Variants in IGSF5 observed in about 807,000 individuals in gnomAD.
IGSF5 encodes the protein immunoglobulin superfamily member 5.
A neutral mutation model predicts 39.4 loss-of-function variants in IGSF5; 41 were observed. The ratio of observed to expected loss-of-function variants is 1.04; its 90% CI spans 0.81 to 1.35. The LOEUF (loss-of-function observed/expected upper bound fraction) is 1.35. Among genes scored for constraint, IGSF5 ranks in the 40% most tolerant of loss-of-function variants. IGSF5 has a pLI of 0.00. For missense variants in IGSF5, 487 were observed against 494.6 expected (o/e 0.98, Z 0.15); for synonymous variants, 183 against 175.3 (o/e 1.04, Z -0.34).
At chr21:39,714,506 G>T in the IGSF5 span, among the ~76,000 whole-genome samples, 5 of 152,156 alleles carry the variant, frequency 3.3e-5, no homozygotes, top group African/African-American at 1.2e-4. Flanking sequence ...TCACACACTG[G>T]GTGGCTTAAA....
chr21:39,730,615 C>T, the IGSF5 span: 2 of 152,118 alleles, frequency 1.3e-5, no homozygotes, highest in Admixed American at 6.5e-5. Context: ...TTGCATAGCA[C>T]GAATTGCCAA....
chr21:39,748,912 C>T (rs1258296810), intron 2 of IGSF5, among the ~76,000 whole-genome samples: 2 of 151,932 alleles, frequency 1.3e-5, no homozygotes, highest in African/African-American at 4.8e-5. Flanking sequence ...CATTGGATGA[C>T]AAAAAGGATA....
At chr21:39,744,078 G>A (rs576715954), upstream of IGSF5, among the ~76,000 whole-genome samples, 2 of 152,140 alleles carry the variant, frequency 1.3e-5, no homozygotes, top group Non-Finnish European at 2.9e-5. Context: ...CCTTTCCAGG[G>A]TGCGTAACCA....
chr21:39,742,181 T>C (rs1178592874), upstream of IGSF5, among the ~76,000 whole-genome samples: 4 of 151,944 alleles, frequency 2.6e-5, no homozygotes, highest in African/African-American at 7.2e-5. Context: ...TGGGTGTTCC[T>C]TCTCCTATGT....
chr21:39,788,340 G>A (rs1430791829), intron 6 of IGSF5, 152 bp downstream of exon 6: 2 of 621,596 alleles, frequency 3.2e-6, no homozygotes, highest in Non-Finnish European at 5.7e-6. Flanking sequence ...TGAAAAACAC[G>A]TATGCCGATC....
At chr21:39,732,443 T>C in the IGSF5 span, among the ~76,000 whole-genome samples, 2 of 152,228 alleles carry the variant, frequency 1.3e-5, no homozygotes, top group Non-Finnish European at 2.9e-5. Context: ...TGTTCTAACC[T>C]GCTTTCTTCA....
At chr21:39,782,586 T>C (rs746752413) in intron 5 of IGSF5, among the ~76,000 whole-genome samples, 2 of 152,226 alleles carry the variant, frequency 1.3e-5, no homozygotes, top group Non-Finnish European at 2.9e-5. Context: ...AAGTATCTTA[T>C]ATAAGTGGAA....
chr21:39,789,752 G>T (rs1281747406), intron 6 of IGSF5, among the ~76,000 whole-genome samples: 1 of 152,110 alleles, frequency 6.6e-6, no homozygotes, highest in South Asian at 2.1e-4. Flanking sequence ...AACTAACTAT[G>T]TATGTACCTA....
chr21:39,744,108 C>T (rs539393680), upstream of IGSF5, among the ~76,000 whole-genome samples: 47 of 152,252 alleles, frequency 3.1e-4, no homozygotes, highest in South Asian at 8.3e-3. Flanking sequence ...CTCTGCTTAT[C>T]GGATTAGTTA....
chr21:39,784,374 C>A (rs535724280), intron 5 of IGSF5, among the ~76,000 whole-genome samples: 1 of 152,264 alleles, frequency 6.6e-6, no homozygotes, highest in South Asian at 2.1e-4. Flanking sequence ...TTCCCTTCAG[C>A]TTTTGTCTGT....
At position 39,746,227 on chromosome 21, in the gene IGSF5, A is replaced by C. The variant is rs933655239; in HGVS notation, c.29A>C (p.Asp10Ala). 7.1e-6 allele frequency: 5 copies of C among 701,774 alleles called. No homozygotes were observed. The highest frequency in any genetic ancestry group is 7.0e-5 in the African/African-American group (4 of 57,190). The allele number at this position is 701,774 out of a possible 1,614,324, so 43.5% of individuals were successfully genotyped here. MGQKERSTA[D>A]TLPDLEEWKS... Reference sequence around the variant, plus strand: ...CCTCACTGGATCAGGAGCACAGCAGATACTCTGCCGGATCTGGAGGAATGG... The same window carrying C: ...CCTCACTGGATCAGGAGCACAGCAGCTACTCTGCCGGATCTGGAGGAATGG... The change falls in exon 2 of 9, where the codon GAT becomes GCT. Residue 10 changes from aspartate to alanine, a missense_variant. Transcript: ENST00000380588.
the IGSF5 span, chr21:39,729,726 G>T: frequency 6.6e-6 from 1 of 152,186 alleles, no homozygotes; most frequent in African/African-American, 2.4e-5. Flanking sequence ...GTAAAGAGAG[G>T]AAGGGGAAGT....
the IGSF5 span, among the ~76,000 whole-genome samples, chr21:39,738,981 C>T: frequency 1.3e-5 from 2 of 151,970 alleles, no homozygotes; most frequent in African/African-American, 2.4e-5. This position sits in a 1 kb window ranked among gnomAD's most constrained non-coding sequence, Gnocchi z 6.4. Context: ...CTCCATCTCC[C>T]GGGTTCAAGC....
intron 5 of IGSF5, 56 bp from the exon 6 acceptor site, chr21:39,788,111 C>T (rs960967465): frequency 2.2e-5 from 31 of 1,384,234 alleles, no homozygotes; most frequent in Admixed American, 5.7e-5. Context: ...TAATGAGACT[C>T]GATTTTTAGA....
chr21:39,801,316 C>T lies in IGSF5; in HGVS notation c.1183C>T (p.Leu395=). 1 of 1,614,154 alleles carries T rather than the reference C, an allele frequency of 6.2e-7. No homozygotes were observed. Among genetic ancestry groups the T allele is most frequent in the Non-Finnish European group, 8.5e-7 (1 of 1,180,002 alleles). Reference sequence around the variant, plus strand: ...AAGTCATCCACAGGCTTCTTTTAATCTGGCCAGTCCTGAGAAGGTCAGTAA... The same window carrying T: ...AAGTCATCCACAGGCTTCTTTTAATTTGGCCAGTCCTGAGAAGGTCAGTAA... The part of the protein sequence containing the change: ...PASHPQASFN[L]ASPEKVSNTT... The change falls in exon 9 of 9, where the codon CTG becomes TTG. Residue 395 remains leucine, a synonymous_variant. Transcript: ENST00000380588.
intron 8 of IGSF5, among the ~76,000 whole-genome samples, chr21:39,794,230 C>T (rs985080527): frequency 1.3e-5 from 2 of 152,080 alleles, no homozygotes; most frequent in African/African-American, 2.4e-5. Context: ...TTGCCATTAA[C>T]GTAGATAAGG....
chr21:39,801,606 T>A lies in IGSF5; in HGVS notation c.*249T>A. 1 of 359,342 alleles carries A rather than the reference T, an allele frequency of 2.8e-6. No individual in the cohort carries two copies. The allele number at this position is 359,342 out of a possible 1,614,324, so 22.3% of individuals were successfully genotyped here. ...TTCCATGAAGTTACTAAGTAAAAGC[T>A]GCAAATTCATCATAATTTTTCTCAA... On this transcript the variant is annotated 3_prime_UTR_variant, in exon 9 of 9. Transcript: ENST00000380588.
the IGSF5 span, among the ~76,000 whole-genome samples, chr21:39,721,859 T>G: frequency 9.9e-5 from 15 of 152,170 alleles, no homozygotes; most frequent in African/African-American, 2.7e-4. Context: ...TATAACTGAA[T>G]GAAAGGTCAT....
chr21:39,785,193 C>A (rs1311493200), intron 5 of IGSF5, among the ~76,000 whole-genome samples: 1 of 141,334 alleles, frequency 7.1e-6, no homozygotes, highest in Non-Finnish European at 1.5e-5. Context: ...TCTCCCCCCT[C>A]CCCCAACCCC....
Sources: allele counts gnomAD v4.1 joint callset (sites outside exome capture counted in the v4.1 genomes callset), GRCh38; gene constraint gnomAD v4.1.1; non-coding constraint Gnocchi (gnomAD v3.1); transcripts MANE v1.5; gene names NCBI Gene and HGNC (gene_info 2026-07-23, HGNC 2026-07-21).